Variants in RUBCN observed in about 807,000 individuals in gnomAD.
RUBCN encodes the protein rubicon autophagy regulator, also known as run domain Beclin-1-interacting and cysteine-rich domain-containing protein.
In RUBCN, 74 loss-of-function variants were observed where a neutral mutation model predicts 113.2. The observed-to-expected ratio is 0.65, with a 90% confidence interval of 0.54 to 0.79. RUBCN has a LOEUF of 0.79. Ranked by LOEUF, RUBCN falls within the 30% of genes least tolerant of loss-of-function variation. The pLI is 0.00. For missense variants in RUBCN, 1,109 were observed against 1,251.7 expected, an observed-to-expected ratio of 0.89 and a Z score of 1.72; for synonymous variants, 480 against 490.0, an observed-to-expected ratio of 0.98 and a Z score of 0.27.
chr3:197,734,461 C>T (rs1300558057), intron 1 of RUBCN, among the ~76,000 whole-genome samples: 1 of 151,494 alleles, frequency 6.6e-6, no homozygotes, highest in Non-Finnish European at 1.5e-5. Flanking sequence ...GGGTTTGAAT[C>T]CAGTTCTGCC....
intron 2 of RUBCN, 32 bp downstream of exon 2, chr3:197,717,945 G>A (rs1182415826): frequency 1.6e-5 from 25 of 1,612,266 alleles, no homozygotes; most frequent in Non-Finnish European, 2.1e-5. Context: ...AAGCGAGTCA[G>A]CCAATCTGGC....
chr3:197,734,195 T>G (rs1727850822), intron 1 of RUBCN, among the ~76,000 whole-genome samples: 1 of 150,268 alleles, frequency 6.7e-6, no homozygotes, highest in Non-Finnish European at 1.5e-5. Flanking sequence ...AGGCAGAGGT[T>G]GTAGTGAAGC....
intron 1 of RUBCN, among the ~76,000 whole-genome samples, chr3:197,730,674 GATCA>G (rs1283785119): frequency 6.6e-6 from 1 of 150,436 alleles, no homozygotes; most frequent in Non-Finnish European, 1.5e-5. Flanking sequence ...ATTTATTGAT[GATCA>G]AACAAAGAAA....
At chr3:197,685,750 C>T (rs931589307) in intron 11 of RUBCN, among the ~76,000 whole-genome samples, 4 of 152,100 alleles carry the variant, frequency 2.6e-5, no homozygotes, top group South Asian at 2.1e-4. Flanking sequence ...TGTTTTCTGG[C>T]GGAATCTGTG....
intron 7 of RUBCN, chr3:197,700,379 A>G: frequency 1.7e-6 from 1 of 588,818 alleles, no homozygotes; most frequent in Non-Finnish European, 3.0e-6. Flanking sequence ...CCAAACTAGT[A>G]AAGAATCCAG....
upstream of RUBCN, among the ~76,000 whole-genome samples, chr3:197,738,528 C>T (rs1401065917): frequency 6.6e-6 from 1 of 152,132 alleles, no homozygotes; most frequent in Non-Finnish European, 1.5e-5. Context: ...TCCTACTAAA[C>T]GATTATACTT....
chr3:197,697,154 C>G, intron 7 of RUBCN, 105 bp from the exon 8 acceptor site: 1 of 697,834 alleles, frequency 1.4e-6, no homozygotes, highest in Non-Finnish European at 2.7e-6. Context: ...TCCCAAAGCC[C>G]TCCCAAGCAG....
rs200972640 is a variant in RUBCN at position 197,684,210 on chromosome 3, G to A, written c.1794C>T (p.Asp598=). The A allele has an allele frequency of 2.3e-4, 373 of 1,613,418 alleles. 1 individual carries two copies. The highest frequency in any genetic ancestry group is 1.3e-3 in the Middle Eastern group (8 of 6,058). Residue 598 remains aspartate (D), a synonymous_variant, in exon 12 of 20, where the codon GAC becomes GAT. Transcript: ENST00000296343. ...TGCTTGAGGCTGTGTTCCTTCTGAT[G>A]TCAGCATCTACATGGAAACCAGAGA... is the stretch of plus-strand genomic sequence containing the variant. The part of the protein sequence containing the change: ...EVDEFEIQDA[D]IRRNTASSSK...
Position 197,694,502 on chromosome 3 carries a change from C to T in RUBCN, c.1557G>A (p.Glu519=), listed in dbSNP as rs1292634920. The T allele has an allele frequency of 2.5e-6, 4 of 1,614,080 alleles. No individual in the cohort carries two copies. Among genetic ancestry groups the T allele is most frequent in the Non-Finnish European group, 3.4e-6 (4 of 1,180,022 alleles). ...MKCNMMSQCL[E]EEEVEEEDSD... ...TGTCTTCCTCTTCCACTTCCTCCTC[C>T]TCTAGGCACTGGCTCATCATGTTGC... The change falls in exon 10 of 20, where the codon GAG becomes GAA. Residue 519 remains glutamate (E), a synonymous_variant. Coordinates refer to ENST00000296343, the MANE Select transcript of RUBCN (RefSeq NM_014687.4).
intron 11 of RUBCN, among the ~76,000 whole-genome samples, chr3:197,689,094 T>TG (rs1333370259): frequency 6.6e-6 from 1 of 151,700 alleles, no homozygotes; most frequent in African/African-American, 2.4e-5. Flanking sequence ...GGCATGATCA[T>TG]GGCTCACTGT....
rs143303767 is a variant in RUBCN, at chr3:197,698,718, G to T, written c.1262-1669C>A. Among the ~76,000 whole-genome samples the T allele has an allele frequency of 6.2e-3, 941 of 151,424 alleles. 6 individuals carry two copies. Among genetic ancestry groups the T allele is most frequent in the Non-Finnish European group, 1.0e-2 (676 of 67,838 alleles). On this transcript the variant is annotated intron_variant, in intron 7 of 19. Coordinates refer to ENST00000296343, the MANE Select transcript of RUBCN (RefSeq NM_014687.4). ...AGTTATAAGAAAAATTCTGGGCCAG[G>T]TGTGGTGGATCACGCCTGTAATCCC...
Position 197,705,153 on chromosome 3 carries a change from T to G in RUBCN, c.242A>C (p.Tyr81Ser), listed in dbSNP as rs752695791. 1 of 1,614,148 alleles carries G rather than the reference T, an allele frequency of 6.2e-7. No homozygotes were observed. The highest frequency in any genetic ancestry group is 1.1e-5 in the South Asian group (1 of 91,068). Reference protein sequence around the residue: ...RDQACRRQTDYWQFVKDIRWL... With the variant: ...RDQACRRQTDSWQFVKDIRWL... ...CCGGATGTCTTTCACGAACTGCCAG[T>G]AATCCGTCTGGCGGCGGCACGCCTG... is the stretch of plus-strand genomic sequence containing the variant. The change falls in exon 3 of 20, where the codon TAC becomes TCC. Residue 81 changes from tyrosine (Y) to serine (S), a missense_variant. Physicochemically the swap from Tyr to Ser is moderately radical, Grantham distance 144. Coordinates refer to ENST00000296343, the MANE Select transcript of RUBCN (RefSeq NM_014687.4).
chr3:197,672,529 G>A lies in RUBCN; in HGVS notation c.*2489C>T, dbSNP rs567110949. 2 of 152,374 alleles carry A rather than the reference G, an allele frequency of 1.3e-5. No homozygotes were observed. Among genetic ancestry groups the A allele is most frequent in the Non-Finnish European group, 2.9e-5 (2 of 68,060 alleles). 9.4% of individuals were successfully genotyped at this position (152,374 alleles called of 1,614,324 possible). A position where few individuals can be genotyped will look rare whatever the true frequency, so the allele number is the denominator to read the frequency against. ...AAAGGGATGGGGTGCGGTTGAGGGA[G>A]CTAGGGAAAAATAAGTGACAAGTGA... is the stretch of plus-strand genomic sequence containing the variant. On this transcript the variant is annotated 3_prime_UTR_variant, in exon 20 of 20. Coordinates refer to ENST00000296343, the MANE Select transcript of RUBCN (RefSeq NM_014687.4).
chr3:197,703,189 G>A (rs1031063702), intron 5 of RUBCN, among the ~76,000 whole-genome samples: 3 of 151,860 alleles, frequency 2.0e-5, no homozygotes, highest in African/African-American at 7.3e-5. Flanking sequence ...ACGAGGTCAG[G>A]AGATCGAGAC....
In RUBCN at chr3:197,681,950, T is replaced by G. The variant is rs770249367; in HGVS notation, c.2127-51A>C. 1 of 1,442,432 alleles carries G rather than the reference T, an allele frequency of 6.9e-7. No homozygotes were observed. Among genetic ancestry groups the G allele is most frequent in the South Asian group, 1.1e-5 (1 of 87,576 alleles). 89.4% of individuals were successfully genotyped at this position (1,442,432 alleles called of 1,614,324 possible). On this transcript the variant is annotated intron_variant, in intron 14 of 19. Coordinates refer to ENST00000296343, the MANE Select transcript of RUBCN (RefSeq NM_014687.4). This position sits in a 1 kb window ranked among gnomAD's most constrained non-coding sequence, Gnocchi z 5.5. The stretch of plus-strand genomic sequence containing the variant: ...TGGCACAGAGCAGCTGCGTGAGACC[T>G]TGGAGGTGTGAAGGAGTGAGCACAC...
intron 6 of RUBCN, 84 bp from the exon 7 acceptor site, chr3:197,701,230 T>TA: frequency 8.1e-7 from 1 of 1,236,080 alleles, no homozygotes; most frequent in Non-Finnish European, 1.1e-6. Context: ...GACCAGGACA[T>TA]ACGATGTCAC....
In RUBCN at chr3:197,704,868, T is replaced by C. The variant is rs530136920; in HGVS notation, c.304-167A>G. Among the ~76,000 whole-genome samples, 9 of 151,918 alleles carry C rather than the reference T, an allele frequency of 5.9e-5. No homozygotes were observed. In the South Asian group the frequency reaches 1.7e-3, roughly 28 times the overall value. ...TTTTTGAAAATAGCAAAACTTTTTT[T>C]CCCTTCCCCAGAGGAGAAAAAGTGG... On this transcript the variant is annotated intron_variant, in intron 3 of 19. Transcript: ENST00000296343.
rs1719673554 is a variant in RUBCN, at chr3:197,670,385, GAATA to G, written c.*4629_*4632del. On this transcript the variant is annotated 3_prime_UTR_variant, in exon 20 of 20. Coordinates refer to ENST00000296343, the MANE Select transcript of RUBCN (RefSeq NM_014687.4). ...GTTTGGGATTGACGGATGATTGAAT[GAATA>G]AATAAATGCTGGGCTGCCATTGTGA... Among the ~76,000 whole-genome samples, 1 of 152,228 alleles carries G rather than the reference GAATA, an allele frequency of 6.6e-6. No individual in the cohort carries two copies. The highest frequency in any genetic ancestry group is 2.4e-5 in the African/African-American group (1 of 41,450).
Position 197,677,529 on chromosome 3 carries a change from G to T in RUBCN, c.2443C>A (p.Gln815Lys). Reference sequence around the variant, plus strand: ...AACATGTTCTTCATGTGACACAGCTGGACCCGCAGCAGCTGAAAAGAAAGA... The same window carrying T: ...AACATGTTCTTCATGTGACACAGCTTGACCCGCAGCAGCTGAAAAGAAAGA... ...LLNQVRLLRV[Q>K]LCHMKNMFKT... The change falls in exon 17 of 20, where the codon CAG (glutamine) becomes AAG (lysine). Residue 815 changes from glutamine to lysine, a missense_variant. Physicochemically the swap from Gln to Lys is moderately conservative, Grantham distance 53. Transcript: ENST00000296343. The T allele has an allele frequency of 6.2e-7, 1 of 1,614,072 alleles. No individual in the cohort carries two copies. The highest frequency in any genetic ancestry group is 8.5e-7 in the Non-Finnish European group (1 of 1,179,988).
Sources: allele counts gnomAD v4.1 joint callset (sites outside exome capture counted in the v4.1 genomes callset), GRCh38; gene constraint gnomAD v4.1.1; non-coding constraint Gnocchi (gnomAD v3.1); transcripts MANE v1.5; gene names NCBI Gene and HGNC (gene_info 2026-07-23, HGNC 2026-07-21).